The following ANKRD36 variants were observed in gnomAD, a reference collection of about 807,000 sequenced individuals.
ANKRD36 encodes the protein ankyrin repeat domain-containing protein 36A.
A neutral mutation model predicts 278.1 loss-of-function variants in ANKRD36; 179 were observed. That is an observed-to-expected ratio of 0.64 (90% CI 0.57 to 0.73). ANKRD36 has a LOEUF of 0.73. ANKRD36 is among the 30% of genes least tolerant of loss of function. The probability of loss-of-function intolerance (pLI) is 0.00; values close to 1 mark genes in which losing one functional copy is unlikely to be tolerated. For synonymous variants in ANKRD36, 320 were observed against 641.1 expected (o/e 0.50, Z 7.57); for missense variants, 1,159 against 1,956.7 (o/e 0.59, Z 7.69).
intron 66 of ANKRD36, among the ~76,000 whole-genome samples, chr2:97,224,308 T>C (rs1279398154): frequency 6.6e-6 from 1 of 151,650 alleles, no homozygotes; most frequent in Non-Finnish European, 1.5e-5. Flanking sequence ...TGACATCTAG[T>C]GCCTCCCCAA....
chr2:97,124,422 T>C, intron 4 of ANKRD36, 38 bp from the exon 5 acceptor site: 1 of 1,533,076 alleles, frequency 6.5e-7, no homozygotes, highest in Non-Finnish European at 8.8e-7. Context: ...GCTTTTAAAA[T>C]GTCATTAAAG....
chr2:97,170,756 T>A (rs549777989), intron 22 of ANKRD36, among the ~76,000 whole-genome samples: 5 of 151,764 alleles, frequency 3.3e-5, no homozygotes, highest in Admixed American at 2.6e-4. Context: ...ACCATCAGAG[T>A]GAACAGGCAA....
At chr2:97,242,281 T>G (rs985252166) in intron 69 of ANKRD36, among the ~76,000 whole-genome samples, 2 of 132,450 alleles carry the variant, frequency 1.5e-5, no homozygotes, top group Admixed American at 1.7e-4. Context: ...AGTAGGAGAC[T>G]CCCTCTCAAA....
chr2:97,150,306 T>C (rs1223784941), intron 12 of ANKRD36, among the ~76,000 whole-genome samples: 1 of 151,924 alleles, frequency 6.6e-6, no homozygotes, highest in Non-Finnish European at 1.5e-5. Flanking sequence ...TATGGCATTC[T>C]AAATTTCAAA....
chr2:97,227,422 CTGTT>C (rs1177202017), intron 67 of ANKRD36, among the ~76,000 whole-genome samples: 3 of 152,076 alleles, frequency 2.0e-5, no homozygotes, highest in Admixed American at 1.3e-4. Flanking sequence ...ATTTGGCTCT[CTGTT>C]TGTCTGTTAT....
intron 62 of ANKRD36, chr2:97,216,756 A>T (rs2066035395): frequency 5.1e-6 from 2 of 393,850 alleles, no homozygotes; most frequent in Non-Finnish European, 9.1e-6. Context: ...AAAGAGCATG[A>T]TGAATGTCTG....
chr2:97,218,990 T>C (rs1316142779), intron 64 of ANKRD36, 60 bp from the exon 65 acceptor site: 7 of 1,535,624 alleles, frequency 4.6e-6, no homozygotes, highest in Non-Finnish European at 6.2e-6. Flanking sequence ...ACTCCACGAA[T>C]GTATGGTTGG....
At chr2:97,218,318 G>A (rs1355047969) in intron 64 of ANKRD36, among the ~76,000 whole-genome samples, 2 of 144,336 alleles carry the variant, frequency 1.4e-5, no homozygotes, top group Non-Finnish European at 3.0e-5. Flanking sequence ...TCTAATGCCT[G>A]GAGTAATTCC....
At chr2:97,187,582 G>C (rs1235992258) in intron 32 of ANKRD36, among the ~76,000 whole-genome samples, 181 bp downstream of exon 32, 2 of 151,760 alleles carry the variant, frequency 1.3e-5, no homozygotes, top group African/African-American at 4.8e-5. Context: ...TGCTGGCTTG[G>C]AACATGATCT....
chr2:97,160,898 A>T (rs2048698237), intron 17 of ANKRD36, among the ~76,000 whole-genome samples: 1 of 152,136 alleles, frequency 6.6e-6, no homozygotes, highest in Non-Finnish European at 1.5e-5. Context: ...TCAAAAGTGC[A>T]GATGACCATA....
At chr2:97,116,009 G>GA (rs959491132) in intron 1 of ANKRD36, among the ~76,000 whole-genome samples, 80 of 151,580 alleles carry the variant, frequency 5.3e-4, no homozygotes, top group Admixed American at 1.8e-3. Flanking sequence ...GATGTACTCT[G>GA]AAAAAAAGTT....
chr2:97,151,985 A>G (rs2046126420), intron 13 of ANKRD36, 46 bp downstream of exon 13: 1 of 1,336,884 alleles, frequency 7.5e-7, no homozygotes, highest in Non-Finnish European at 1.0e-6. Context: ...CTGATTCTTC[A>G]TTTGTTTTTT....
intron 6 of ANKRD36, among the ~76,000 whole-genome samples, chr2:97,131,024 T>A: frequency 6.6e-6 from 1 of 152,188 alleles, no homozygotes; most frequent in African/African-American, 2.4e-5. Flanking sequence ...AATTTTCAAA[T>A]TAAGTTAAGA....
At chr2:97,114,167 C>A (rs2034485829) in intron 1 of ANKRD36, among the ~76,000 whole-genome samples, 1 of 73,190 alleles carries the variant, frequency 1.4e-5, no homozygotes, top group Admixed American at 1.6e-4. Context: ...GTAGGGGGTG[C>A]ATGGGGTGGG....
chr2:97,164,967 A>G (rs559969343), intron 20 of ANKRD36, among the ~76,000 whole-genome samples: 29 of 152,228 alleles, frequency 1.9e-4, no homozygotes, highest in African/African-American at 6.5e-4. Flanking sequence ...TTAAAAATGA[A>G]TAAAATGATT....
In ANKRD36 at chr2:97,190,977, G is replaced by A. The variant is rs753979256; in HGVS notation, c.2246-1G>A. On this transcript the variant is annotated splice_acceptor_variant, in intron 34 of 75. Transcript: ENST00000420699. LOFTEE classifies it high-confidence loss of function. ...ATTATGTATCCCTTTTTGCTTTTCA[G>A]TGTCTTCTCAGAAACAACCAGCCTT... The A allele has an allele frequency of 1.2e-6, 2 of 1,603,474 alleles. No individual in the cohort carries two copies. The highest frequency in any genetic ancestry group is 1.7e-6 in the Non-Finnish European group (2 of 1,175,080).
intron 22 of ANKRD36, among the ~76,000 whole-genome samples, chr2:97,168,792 C>A (rs183554233): frequency 0.013 from 1,693 of 126,304 alleles, no homozygotes; most frequent in Admixed American, 0.023. Flanking sequence ...TGAACTCATC[C>A]TTTTTTATGG....
chr2:97,202,185 TC>T lies in ANKRD36; in HGVS notation c.2858-14del. 6.2e-6 allele frequency: 10 copies of T among 1,609,140 alleles called. No individual in the cohort carries two copies. Among genetic ancestry groups the T allele is most frequent in the Non-Finnish European group, 8.5e-6 (10 of 1,178,514 alleles). ...ATATTTACGTATGACTGATTATGAA[TC>T]CCTTTTGCTTTTCAGTGTCTTCTCA... On this transcript the variant is annotated splice_polypyrimidine_tract_variant and intron_variant, in intron 46 of 75. Transcript: ENST00000420699.
intron 22 of ANKRD36, among the ~76,000 whole-genome samples, chr2:97,169,186 A>T (rs192558035): frequency 1.1e-3 from 164 of 152,258 alleles, no homozygotes; most frequent in African/African-American, 3.9e-3. Flanking sequence ...TGTGGTTTTG[A>T]TTTGCATTTC....
Sources: gnomAD v4.1 joint callset for allele counts (sites outside exome capture counted in the v4.1 genomes callset) on GRCh38, gnomAD v4.1.1 for gene constraint, MANE v1.5 for transcripts, NCBI Gene and HGNC (gene_info 2026-07-23, HGNC 2026-07-21) for gene names.